The following IAH1 variants were observed in gnomAD, a reference collection of about 807,000 sequenced individuals.
The protein encoded by IAH1 is isoamyl acetate-hydrolyzing esterase 1 homolog.
IAH1 carries 24 observed loss-of-function variants against 26.7 expected under a neutral mutation model. That is an observed-to-expected ratio of 0.90 (90% CI 0.65 to 1.26). IAH1 has a LOEUF of 1.26. Ranked by LOEUF, IAH1 falls within the 50% of genes most tolerant of loss-of-function variation. The pLI is 0.00. For synonymous variants in IAH1, 140 were observed against 118.5 expected, an observed-to-expected ratio of 1.18 and a Z score of -1.18; for missense variants, 300 against 299.9, an observed-to-expected ratio of 1.00 and a Z score of 0.00.
chr2:9,478,728 T>G (rs773891090), intron 3 of IAH1, among the ~76,000 whole-genome samples: 21 of 152,114 alleles, frequency 1.4e-4, no homozygotes, highest in Non-Finnish European at 2.8e-4. Context: ...GTGGCGTGTC[T>G]TAGGGAGGGA....
rs1297632242 is a variant in IAH1 at position 9,474,931 on chromosome 2, G to A, written c.81+284G>A. The A allele has an allele frequency of 2.8e-5, 24 of 849,798 alleles. No homozygotes were observed. The Admixed American group carries it at 6.0e-4, about 21-fold the overall frequency. 52.6% of individuals were successfully genotyped at this position (849,798 alleles called of 1,614,324 possible). On this transcript the variant is annotated intron_variant, in intron 1 of 5. Transcript: ENST00000497473. The surrounding 1 kb of genome is among the most constrained non-coding windows in gnomAD (Gnocchi z 4.3). ...CCGCCCCGCGCCGCCTCCCACCCGGGTCGAGATGCGCGGTCTTCCCCTCAG... is the reference window on the plus strand; with the variant it reads ...CCGCCCCGCGCCGCCTCCCACCCGGATCGAGATGCGCGGTCTTCCCCTCAG...
downstream of IAH1, among the ~76,000 whole-genome samples, chr2:9,492,029 A>G (rs1460287920): frequency 1.3e-5 from 2 of 152,144 alleles, no homozygotes; most frequent in East Asian, 3.9e-4. Context: ...TCCTATACCC[A>G]TCATGCTCAC....
At chr2:9,490,438 G>A (rs759443841), downstream of IAH1, 2 of 1,614,188 alleles carry the variant, frequency 1.2e-6, no homozygotes, top group Non-Finnish European at 1.7e-6. Context: ...CAGGCTGCAG[G>A]CGGCCTGGAG....
downstream of IAH1, among the ~76,000 whole-genome samples, chr2:9,491,660 A>G (rs1456206745): frequency 6.6e-6 from 1 of 152,096 alleles, no homozygotes; most frequent in Non-Finnish European, 1.5e-5. Flanking sequence ...CAATCCCTAC[A>G]TCCTACTTCT....
At chr2:9,484,575 C>CA (rs1661369052) in intron 5 of IAH1, 25 bp downstream of exon 5, 1 of 1,486,394 alleles carries the variant, frequency 6.7e-7, no homozygotes, top group African/African-American at 1.4e-5. Flanking sequence ...TCGGTCCTCT[C>CA]GGGGTAAATA....
chr2:9,490,256 G>C, downstream of IAH1: 1 of 1,612,724 alleles, frequency 6.2e-7, no homozygotes, highest in Non-Finnish European at 8.5e-7. Flanking sequence ...TCTGGTGACC[G>C]GATGGTCCGT....
rs1482408533 is a variant in IAH1 at position 9,478,222 on chromosome 2, A to G, written c.135A>G (p.Arg45=). 6.3e-7 allele frequency: 1 copy of G among 1,588,040 alleles called. No homozygotes were observed. The highest frequency in any genetic ancestry group is 1.2e-5 in the South Asian group (1 of 86,854). ...WGASLADRLV[R]KCDVLNRGFS... ...ATCTTTTTAAAATTTTTCGTTTCAG[A>G]AAATGTGATGTTCTGAATCGTGGAT... The change falls in exon 3 of 6, where the codon AGA becomes AGG. Residue 45 remains arginine, a splice_region_variant and synonymous_variant. Transcript: ENST00000497473.
At position 9,475,073 on chromosome 2, in the gene IAH1, C is replaced by T; in HGVS notation, c.81+426C>T. 3.3e-6 allele frequency: 4 copies of T among 1,223,102 alleles called. No individual in the cohort carries two copies. In the Admixed American group the frequency reaches 7.6e-5, roughly 23 times the overall value. The allele number at this position is 1,223,102 out of a possible 1,614,324, so 75.8% of individuals were successfully genotyped here. ...TCCGGGCAGAGGCGCCAGGAGCTCT[C>T]TCGCCCCATTCCCTGCGGGCACAGG... On this transcript the variant is annotated intron_variant, in intron 1 of 5. Coordinates refer to ENST00000497473, the MANE Select transcript of IAH1 (RefSeq NM_001039613.3).
At chr2:9,494,504 C>G (rs565120927), downstream of IAH1, 2 of 1,022,036 alleles carry the variant, frequency 2.0e-6, no homozygotes, top group Non-Finnish European at 2.8e-6. Context: ...AAGTAATACC[C>G]GTAGATAACA....
intron 4 of IAH1, among the ~76,000 whole-genome samples, chr2:9,483,714 C>T (rs1051762645): frequency 6.6e-6 from 1 of 152,178 alleles, no homozygotes; most frequent in African/African-American, 2.4e-5. Flanking sequence ...CCAGATACTG[C>T]ACTCCAGCCT....
chr2:9,510,183 A>G, the IAH1 span: 17 of 1,599,854 alleles, frequency 1.1e-5, no homozygotes, highest in African/African-American at 1.9e-4. Flanking sequence ...GCCATCACCT[A>G]CTTCTGCCAG....
chr2:9,483,612 G>A (rs1014002304), intron 4 of IAH1, among the ~76,000 whole-genome samples: 7 of 151,962 alleles, frequency 4.6e-5, no homozygotes, highest in Admixed American at 2.0e-4. Flanking sequence ...TCTGTAGTCC[G>A]CCTCTCGCCA....
Position 9,474,951 on chromosome 2 carries a change from C to A in IAH1, c.81+304C>A. ...CCCGGGTCGAGATGCGCGGTCTTCC[C>A]CTCAGCGCCCTCCTGGGCAGCGGCC... On this transcript the variant is annotated intron_variant, in intron 1 of 5. Coordinates refer to ENST00000497473, the MANE Select transcript of IAH1 (RefSeq NM_001039613.3). The surrounding 1 kb of genome is among the most constrained non-coding windows in gnomAD (Gnocchi z 4.3). 1 of 989,112 alleles carries A rather than the reference C, an allele frequency of 1.0e-6. No homozygotes were observed. The allele number at this position is 989,112 out of a possible 1,614,324, so 61.3% of individuals were successfully genotyped here. A position where few individuals can be genotyped will look rare whatever the true frequency, so the allele number is the denominator to read the frequency against.
At chr2:9,497,255 GCAAA>G, downstream of IAH1, 1 of 1,613,842 alleles carries the variant, frequency 6.2e-7, no homozygotes, top group Non-Finnish European at 8.5e-7. Context: ...TTACCTGGAA[GCAAA>G]CACCAGTCAT....
intron 1 of IAH1, chr2:9,475,764 G>T (rs1055539207): frequency 1.7e-6 from 1 of 587,806 alleles, no homozygotes; most frequent in East Asian, 2.9e-5. Context: ...GCCTCCCAAA[G>T]TGCTGGGAAT....
At chr2:9,502,102 A>G in the IAH1 span, 1 of 1,358,486 alleles carries the variant, frequency 7.4e-7, no homozygotes, top group Middle Eastern at 1.8e-4. Context: ...TGAACAAAAC[A>G]TAATCTTGTT....
the IAH1 span, chr2:9,502,233 C>A: frequency 3.1e-6 from 5 of 1,614,058 alleles, no homozygotes; most frequent in Non-Finnish European, 4.2e-6. Context: ...TTCTTCTGGG[C>A]AGTCTCAAAC....
At chr2:9,491,152 C>A, downstream of IAH1, 1 of 1,612,372 alleles carries the variant, frequency 6.2e-7, no homozygotes, top group East Asian at 2.2e-5. Flanking sequence ...ATTTCTTATC[C>A]TAGAAAGAAA....
the IAH1 span, among the ~76,000 whole-genome samples, chr2:9,506,359 GTTTTT>G: frequency 6.8e-5 from 5 of 73,242 alleles, no homozygotes; most frequent in Admixed American, 1.4e-4. Context: ...CTTCAAATCT[GTTTTT>G]TTTTTTTTTT....
Sources: allele counts gnomAD v4.1 joint callset (sites outside exome capture counted in the v4.1 genomes callset), GRCh38; gene constraint gnomAD v4.1.1; non-coding constraint Gnocchi (gnomAD v3.1); transcripts MANE v1.5; gene names NCBI Gene and HGNC (gene_info 2026-07-23, HGNC 2026-07-21).